CYP27C1: variants seen among roughly 807,000 people sequenced by gnomAD.
The protein encoded by CYP27C1 is cytochrome P450 27C1.
CYP27C1 carries 29 observed loss-of-function variants against 40.6 expected under a neutral mutation model. The observed-to-expected ratio is 0.71, with a 90% CI of 0.53 to 0.97. CYP27C1 has a LOEUF of 0.97. CYP27C1 is among the 50% of genes least tolerant of loss of function. The pLI is 0.00. For synonymous variants in CYP27C1, 198 were observed against 186.8 expected (o/e 1.06, Z -0.49); for missense variants, 390 against 485.8 (o/e 0.80, Z 1.85).
In CYP27C1 at chr2:127,208,144, C is replaced by T. The variant is rs756601011; in HGVS notation, c.283-2054G>A. Among the ~76,000 whole-genome samples, 2 of 152,162 alleles carry T rather than the reference C, an allele frequency of 1.3e-5. No individual in the cohort carries two copies. On this transcript the variant is annotated intron_variant, in intron 1 of 8. Transcript: ENST00000664447. The surrounding 1 kb of genome is among the most constrained non-coding windows in gnomAD (Gnocchi z 5.2). The stretch of plus-strand genomic sequence containing the variant: ...GCTCAGAGGCTCCCATCAAAAAAAA[C>T]ATAATAAGCATGTGAAACCTTCCCT...
At position 127,184,435 on chromosome 2, in the gene CYP27C1, A is replaced by ACGGAGTTT. The variant is rs1360699356; in HGVS notation, c.*2828_*2835dup. Reference sequence around the variant, plus strand: ...TTTTTGGTTTTTGTTTTTTTTAGATACGGAGTTTCGTTCTTGTTGCCCAGG... The same window carrying ACGGAGTTT: ...TTTTTGGTTTTTGTTTTTTTTAGATACGGAGTTTCGGAGTTTCGTTCTTGTTGCCCAGG... On this transcript the variant is annotated 3_prime_UTR_variant, in exon 9 of 9. Transcript: ENST00000664447. 1 of 151,002 alleles carries ACGGAGTTT rather than the reference A, an allele frequency of 6.6e-6. No homozygotes were observed. Among genetic ancestry groups the ACGGAGTTT allele is most frequent in the Non-Finnish European group, 1.5e-5 (1 of 67,892 alleles). 9.4% of individuals were successfully genotyped at this position (151,002 alleles called of 1,614,324 possible).
chr2:127,183,933 TAAC>T lies in CYP27C1; in HGVS notation c.*3335_*3337del, dbSNP rs1349781846. Among the ~76,000 whole-genome samples, 2 of 152,128 alleles carry T rather than the reference TAAC, an allele frequency of 1.3e-5. No homozygotes were observed. The highest frequency in any genetic ancestry group is 2.9e-5 in the Non-Finnish European group (2 of 68,016). On this transcript the variant is annotated 3_prime_UTR_variant, in exon 9 of 9. Transcript: ENST00000664447. This position sits in a 1 kb window ranked among gnomAD's most constrained non-coding sequence, Gnocchi z 5.1. ...CCACTCACCACCCTGCTTCCACAGT[TAAC>T]AACATCTGCCTAATCTTGGGTCATC...
Position 127,196,782 on chromosome 2 carries a change from G to C in CYP27C1, c.1048-1281C>G, listed in dbSNP as rs1682914235. Among the ~76,000 whole-genome samples the C allele has an allele frequency of 1.3e-5, 2 of 152,138 alleles. No individual in the cohort carries two copies. The highest frequency in any genetic ancestry group is 1.3e-4 in the Admixed American group (2 of 15,274). ...TAGTAATAAAAAAGAATCAATTACT[G>C]TTCTATGCCACCACATGAATGAACC... On this transcript the variant is annotated intron_variant, in intron 5 of 8. Coordinates refer to ENST00000664447, the MANE Select transcript of CYP27C1 (RefSeq NM_001367502.1). The surrounding 1 kb of genome is among the most constrained non-coding windows in gnomAD (Gnocchi z 4.5).
intron 8 of CYP27C1, among the ~76,000 whole-genome samples, chr2:127,188,032 G>A (rs1473147127): frequency 6.6e-6 from 1 of 152,154 alleles, no homozygotes; most frequent in African/African-American, 2.4e-5. Context: ...GGCCGGCTAG[G>A]GTTTGGAGTT....
chr2:127,192,295 G>A (rs996765112), intron 8 of CYP27C1, among the ~76,000 whole-genome samples: 2 of 152,164 alleles, frequency 1.3e-5, no homozygotes, highest in African/African-American at 4.8e-5. Context: ...AGGCAACGAT[G>A]GAGCTCCCAA....
intron 1 of CYP27C1, among the ~76,000 whole-genome samples, chr2:127,207,854 A>G (rs983962140): frequency 8.5e-5 from 13 of 152,318 alleles, no homozygotes; most frequent in African/African-American, 3.1e-4. Context: ...AAGATATCCC[A>G]TGTTCATGGA....
chr2:127,199,527 A>G lies in CYP27C1; in HGVS notation c.896T>C (p.Val299Ala), dbSNP rs750403786. 1.9e-6 allele frequency: 3 copies of G among 1,613,440 alleles called. No individual in the cohort carries two copies. The highest frequency in any genetic ancestry group is 1.1e-5 in the South Asian group (1 of 90,944). Residue 299 changes from valine (V) to alanine (A), a missense_variant, in exon 5 of 9, where the codon GTT (valine) becomes GCT (alanine). Val to Ala is a moderately conservative substitution (Grantham distance 64). Coordinates refer to ENST00000664447, the MANE Select transcript of CYP27C1 (RefSeq NM_001367502.1). ...CTGTATGTCCCTCAACTTGTTGTCAACATGAATTTGGCCTGTTTGAAAACA... is the reference window on the plus strand; with the variant it reads ...CTGTATGTCCCTCAACTTGTTGTCAGCATGAATTTGGCCTGTTTGAAAACA... ...DGLFKFSQIH[V>A]DNKLRDIQYQ... is the part of the protein sequence containing the mutation.
chr2:127,206,366 T>C (rs1282077941), intron 1 of CYP27C1, among the ~76,000 whole-genome samples: 1 of 152,144 alleles, frequency 6.6e-6, no homozygotes, highest in Non-Finnish European at 1.5e-5. Context: ...TGGAGTGCAG[T>C]GGCATAAACA....
At position 127,212,281 on chromosome 2, in the gene CYP27C1, C is replaced by G. The variant is rs539250509; in HGVS notation, c.283-6191G>C. 4.6e-5 allele frequency among the ~76,000 whole-genome samples: 7 copies of G among 152,242 alleles called. No homozygotes were observed. The East Asian group carries it at 1.3e-3, about 29-fold the overall frequency. ...CCATTCCTTCTGAAACTATTCCAAA[C>G]AATTGAGAAGAAGGGACTCCCCCCT... is the stretch of plus-strand genomic sequence containing the variant. On this transcript the variant is annotated intron_variant, in intron 1 of 8. Coordinates refer to ENST00000664447, the MANE Select transcript of CYP27C1 (RefSeq NM_001367502.1).
chr2:127,203,751 G>A (rs899193895), intron 2 of CYP27C1, among the ~76,000 whole-genome samples, 180 bp from the exon 3 acceptor site: 2 of 152,050 alleles, frequency 1.3e-5, no homozygotes, highest in African/African-American at 2.4e-5. Flanking sequence ...TGCAGCCCTG[G>A]AGCCTGTTAG....
intron 1 of CYP27C1, among the ~76,000 whole-genome samples, chr2:127,211,019 G>T (rs1484365458): frequency 6.6e-6 from 1 of 152,184 alleles, no homozygotes. Flanking sequence ...AGTGGACCTA[G>T]TAGATGTCTA....
chr2:127,194,365 T>C lies in CYP27C1; in HGVS notation c.1215-498A>G, dbSNP rs1002354736. On this transcript the variant is annotated intron_variant, in intron 6 of 8. Coordinates refer to ENST00000664447, the MANE Select transcript of CYP27C1 (RefSeq NM_001367502.1). ...TTTTGAGGTTCAACAGCATGCTATA[T>C]AGGTTGACGGTCATTATCAAGTCAG... 2.6e-5 allele frequency among the ~76,000 whole-genome samples: 4 copies of C among 152,308 alleles called. No individual in the cohort carries two copies. The South Asian group carries it at 6.2e-4, about 24-fold the overall frequency.
chr2:127,212,041 T>C (rs1357124628), intron 1 of CYP27C1, among the ~76,000 whole-genome samples: 1 of 152,032 alleles, frequency 6.6e-6, no homozygotes, highest in Non-Finnish European at 1.5e-5. Flanking sequence ...TATAAACACC[T>C]CTATGCAAAT....
At chr2:127,194,900 G>C (rs1186263636) in intron 6 of CYP27C1, among the ~76,000 whole-genome samples, 1 of 151,022 alleles carries the variant, frequency 6.6e-6, no homozygotes, top group East Asian at 1.9e-4. Context: ...GAGTGCACTG[G>C]TGCAATCTTG....
chr2:127,214,425 C>A (rs1212203960), intron 1 of CYP27C1, among the ~76,000 whole-genome samples: 1 of 152,148 alleles, frequency 6.6e-6, no homozygotes, highest in Non-Finnish European at 1.5e-5. Flanking sequence ...AACCCAAATG[C>A]CCATTAACGA....
Position 127,193,210 on chromosome 2 carries a change from G to T in CYP27C1, c.1381C>A (p.Arg461=), listed in dbSNP as rs754918379. ...AKEFRPERWL[R]KGDLDRVDNF... ...TCAACTCTATCTAAGTCTCCTTTCC[G>T]CAGCCAGCGCTCAGGCCGGAACTCC... The change falls in exon 8 of 9, where the codon CGG becomes AGG. Residue 461 remains arginine, a synonymous_variant. Coordinates refer to ENST00000664447, the MANE Select transcript of CYP27C1 (RefSeq NM_001367502.1). 1.5e-5 allele frequency: 24 copies of T among 1,614,060 alleles called. No homozygotes were observed. The highest frequency in any genetic ancestry group is 4.0e-5 in the African/African-American group (3 of 74,930).
chr2:127,205,642 C>A (rs761487618), intron 2 of CYP27C1: 185 of 983,176 alleles, frequency 1.9e-4, no homozygotes, highest in Non-Finnish European at 2.1e-4. Context: ...GCCCTGCTTC[C>A]GAAGCGCTCT....
Position 127,208,357 on chromosome 2 carries a change from C to T in CYP27C1, c.283-2267G>A, listed in dbSNP as rs1471814766. Among the ~76,000 whole-genome samples, 1 of 152,174 alleles carries T rather than the reference C, an allele frequency of 6.6e-6. No homozygotes were observed. The highest frequency in any genetic ancestry group is 1.9e-4 in the East Asian group (1 of 5,192). ...CCAGCTGGGGAAACTGTGCTTTTTC[C>T]ACAGAACTGTGCAACCTACAGGTCA... is the stretch of plus-strand genomic sequence containing the variant. On this transcript the variant is annotated intron_variant, in intron 1 of 8. Coordinates refer to ENST00000664447, the MANE Select transcript of CYP27C1 (RefSeq NM_001367502.1). The surrounding 1 kb of genome is among the most constrained non-coding windows in gnomAD (Gnocchi z 5.2).
rs549696985 is a variant in CYP27C1, at chr2:127,184,522, C to G, written c.*2749G>C. 6.6e-6 allele frequency: 1 copy of G among 152,208 alleles called. No homozygotes were observed. Among genetic ancestry groups the G allele is most frequent in the South Asian group, 2.1e-4 (1 of 4,816 alleles). The allele number at this position is 152,208 out of a possible 1,614,324, so 9.4% of individuals were successfully genotyped here. ...TGCCTCCCAGGTTCAAGCAATTCTCCTGCCTCAGCCTCCCAAGTAGCTGGA... is the reference window on the plus strand; with the variant it reads ...TGCCTCCCAGGTTCAAGCAATTCTCGTGCCTCAGCCTCCCAAGTAGCTGGA... On this transcript the variant is annotated 3_prime_UTR_variant, in exon 9 of 9. Transcript: ENST00000664447.
Sources: allele counts gnomAD v4.1 joint callset (sites outside exome capture counted in the v4.1 genomes callset), GRCh38; gene constraint gnomAD v4.1.1; non-coding constraint Gnocchi (gnomAD v3.1); transcripts MANE v1.5; gene names NCBI Gene and HGNC (gene_info 2026-07-23, HGNC 2026-07-21).